The following ZC3H3 variants were observed in gnomAD, a reference collection of about 807,000 sequenced individuals.
ZC3H3 encodes zinc finger CCCH domain-containing protein 3.
In ZC3H3, 36 loss-of-function variants were observed where a neutral mutation model predicts 77.3. The observed-to-expected ratio is 0.47, with a 90% CI of 0.36 to 0.61. The LOEUF (loss-of-function observed/expected upper bound fraction) is 0.61. Ranked by LOEUF, ZC3H3 falls within the 20% of genes least tolerant of loss-of-function variation. The pLI, the probability that ZC3H3 is intolerant of heterozygous loss-of-function variation, is 0.00. For missense variants in ZC3H3, 1,331 were observed against 1,312.2 expected (o/e 1.01, Z -0.22); for synonymous variants, 626 against 555.2 (o/e 1.13, Z -1.79).
chr8:143,538,519 G>T lies in ZC3H3; in HGVS notation c.848C>A (p.Ala283Asp), dbSNP rs1319513561. 3 of 1,612,422 alleles carry T rather than the reference G, an allele frequency of 1.9e-6. No homozygotes were observed. In the South Asian group the frequency reaches 3.3e-5, roughly 18 times the overall value. The part of the protein sequence containing the change: ...PVPSGSVGGP[A>D]RPASGPRQAR... The stretch of plus-strand genomic sequence containing the variant: ...CTGCCTGGGTCCTGAGGCCGGTCTG[G>T]CGGGGCCCCCCACTGAGCCAGACGG... The change falls in exon 2 of 12, where the codon GCC becomes GAC. Residue 283 changes from alanine to aspartate, a missense_variant. By Grantham distance (126) the Ala-to-Asp change is moderately radical. This residue lies in a region of ZC3H3 where 978 missense variants were observed against 915.5 expected (regional missense o/e 1.07). Transcript: ENST00000262577.
At chr8:143,481,358 C>G (rs60625971) in intron 4 of ZC3H3, among the ~76,000 whole-genome samples, 1 of 152,122 alleles carries the variant, frequency 6.6e-6, no homozygotes, top group Non-Finnish European at 1.5e-5. Context: ...TCCCCGCCAC[C>G]GAAGTTCCCA....
rs1160987654 is a variant in ZC3H3, at chr8:143,437,865, G to GAGGA, written c.*187_*190dup. On this transcript the variant is annotated 3_prime_UTR_variant, in exon 12 of 12. Coordinates refer to ENST00000262577, the MANE Select transcript of ZC3H3 (RefSeq NM_015117.3). ...GTGGGGACAGGGGCCTGGCTTGGGGGAGGAAGACCAGGCCCTGCGCACACG... is the reference window on the plus strand; with the variant it reads ...GTGGGGACAGGGGCCTGGCTTGGGGGAGGAAGGAAGACCAGGCCCTGCGCACACG... The GAGGA allele has an allele frequency of 1.3e-6, 1 of 746,682 alleles. No homozygotes were observed. Among genetic ancestry groups the GAGGA allele is most frequent in the East Asian group, 2.8e-5 (1 of 35,300 alleles). 46.3% of individuals were successfully genotyped at this position (746,682 alleles called of 1,614,324 possible). A position where few individuals can be genotyped will look rare whatever the true frequency, so the allele number is the denominator to read the frequency against.
At chr8:143,522,583 G>C (rs1008294673) in intron 3 of ZC3H3, among the ~76,000 whole-genome samples, 9 of 150,966 alleles carry the variant, frequency 6.0e-5, no homozygotes, top group African/African-American at 2.2e-4. Flanking sequence ...CCAGCCTAGG[G>C]AAGAGAGCAA....
At chr8:143,467,642 C>G (rs1462892526) in intron 8 of ZC3H3, among the ~76,000 whole-genome samples, 1 of 152,238 alleles carries the variant, frequency 6.6e-6, no homozygotes, top group Non-Finnish European at 1.5e-5. Context: ...CATGTCCCCC[C>G]CAGCCCCAGG....
Position 143,538,490 on chromosome 8 carries a change from G to C in ZC3H3, c.877C>G (p.Arg293Gly), listed in dbSNP as rs143014673. 6 of 1,612,706 alleles carry C rather than the reference G, an allele frequency of 3.7e-6. No individual in the cohort carries two copies. The highest frequency in any genetic ancestry group is 2.2e-5 in the East Asian group (1 of 44,898). Residue 293 changes from arginine (R) to glycine (G), a missense_variant, in exon 2 of 12, where the codon CGG becomes GGG. By Grantham distance (125) the Arg-to-Gly change is moderately radical. Coordinates refer to ENST00000262577, the MANE Select transcript of ZC3H3 (RefSeq NM_015117.3). ...CAGGTCACAACCAGCGAGGCCTCCC[G>C]GGCCTGCCTGGGTCCTGAGGCCGGT... The part of the protein sequence containing the change: ...ARPASGPRQA[R>G]EASLVVTCRT...
At chr8:143,463,492 C>T (rs1009387935) in intron 9 of ZC3H3, among the ~76,000 whole-genome samples, 13 of 152,274 alleles carry the variant, frequency 8.5e-5, no homozygotes, top group African/African-American at 2.6e-4. Context: ...AACAGGCGAG[C>T]GGTGAGCACG....
At chr8:143,489,826 G>GC (rs1382791700) in intron 4 of ZC3H3, among the ~76,000 whole-genome samples, 2 of 152,214 alleles carry the variant, frequency 1.3e-5, no homozygotes, top group Non-Finnish European at 2.9e-5. Flanking sequence ...CGCAATCTTA[G>GC]CAGACGTCCA....
chr8:143,524,926 G>A (rs1822361943), intron 3 of ZC3H3, among the ~76,000 whole-genome samples: 1 of 152,262 alleles, frequency 6.6e-6, no homozygotes, highest in Non-Finnish European at 1.5e-5. Context: ...GGCACCAGAA[G>A]GGAGCTTGGG....
At chr8:143,518,685 G>A (rs1272519728) in intron 3 of ZC3H3, among the ~76,000 whole-genome samples, 7 of 152,252 alleles carry the variant, frequency 4.6e-5, no homozygotes, top group Middle Eastern at 3.2e-3. Flanking sequence ...CCACAGCACC[G>A]GGGCCAGGCC....
At chr8:143,465,656 T>A in intron 9 of ZC3H3, 61 bp downstream of exon 9, 1 of 1,596,330 alleles carries the variant, frequency 6.3e-7, no homozygotes, top group Non-Finnish European at 8.5e-7. Flanking sequence ...TACCCAGGAG[T>A]GAGCAGAGGA....
intron 9 of ZC3H3, 59 bp downstream of exon 9, chr8:143,465,658 A>G (rs567243882): frequency 6.2e-7 from 1 of 1,600,892 alleles, no homozygotes; most frequent in South Asian, 1.1e-5. Context: ...CCCAGGAGTG[A>G]GCAGAGGACC....
At position 143,539,221 on chromosome 8, in the gene ZC3H3, G is replaced by T; in HGVS notation, c.146C>A (p.Ala49Asp). Residue 49 changes from alanine (A) to aspartate (D), a missense_variant, in exon 2 of 12, where the codon GCC becomes GAC. By Grantham distance (126) the Ala-to-Asp change is moderately radical. Transcript: ENST00000262577. The part of the protein sequence containing the change: ...WQPPTYHSGR[A>D]FSARYPRPSR... ...TGGACGAGGGTAGCGGGCACTAAAGGCTCTGCCACTGTGGTAAGTGGGTGG... is the reference window on the plus strand; with the variant it reads ...TGGACGAGGGTAGCGGGCACTAAAGTCTCTGCCACTGTGGTAAGTGGGTGG... The T allele has an allele frequency of 6.2e-7, 1 of 1,612,912 alleles. No homozygotes were observed. The highest frequency in any genetic ancestry group is 8.5e-7 in the Non-Finnish European group (1 of 1,180,018).
At chr8:143,521,249 A>C (rs1408872599) in intron 3 of ZC3H3, among the ~76,000 whole-genome samples, 1 of 152,150 alleles carries the variant, frequency 6.6e-6, no homozygotes, top group Non-Finnish European at 1.5e-5. Flanking sequence ...CACTGGCCCG[A>C]GGTCACAGGG....
Position 143,440,984 on chromosome 8 carries a change from G to T in ZC3H3, c.2444C>A (p.Pro815His). ...CCTGCTCCTGGCGGTTGCGTCGCTG[G>T]GCCCTGGGGCGGGGGACGTGGCTGC... ...RRAATSPAPG[P>H]SDATARSRVS... is the part of the protein sequence containing the mutation. Residue 815 changes from proline (P) to histidine (H), a missense_variant, in exon 10 of 12, where the codon CCC (proline) becomes CAC (histidine). By Grantham distance (77) the Pro-to-His change is moderately conservative. Coordinates refer to ENST00000262577, the MANE Select transcript of ZC3H3 (RefSeq NM_015117.3). 1 of 1,458,800 alleles carries T rather than the reference G, an allele frequency of 6.9e-7. No homozygotes were observed. 90.4% of individuals were successfully genotyped at this position (1,458,800 alleles called of 1,614,324 possible).
intron 3 of ZC3H3, among the ~76,000 whole-genome samples, chr8:143,528,165 G>A (rs953262201): frequency 6.6e-6 from 1 of 152,190 alleles, no homozygotes; most frequent in African/African-American, 2.4e-5. Context: ...CAACCACCCT[G>A]CGGTGCACCT....
At chr8:143,479,888 G>C (rs1820860910) in intron 4 of ZC3H3, among the ~76,000 whole-genome samples, 1 of 152,232 alleles carries the variant, frequency 6.6e-6, no homozygotes, top group Non-Finnish European at 1.5e-5. Context: ...ACAAAAGCAG[G>C]TGTATGAAGA....
chr8:143,521,817 G>A (rs1279389590), intron 3 of ZC3H3, among the ~76,000 whole-genome samples: 1 of 152,180 alleles, frequency 6.6e-6, no homozygotes, highest in Non-Finnish European at 1.5e-5. Flanking sequence ...CAGGGGTGCT[G>A]GAACAGGAGG....
intron 4 of ZC3H3, among the ~76,000 whole-genome samples, chr8:143,483,477 C>T (rs989855435): frequency 2.0e-5 from 3 of 152,170 alleles, no homozygotes; most frequent in Non-Finnish European, 1.5e-5. Context: ...CACAGAATGT[C>T]CTGAGTTCCG....
At chr8:143,477,397 C>A (rs1021923275) in intron 4 of ZC3H3, among the ~76,000 whole-genome samples, 1 of 152,212 alleles carries the variant, frequency 6.6e-6, no homozygotes, top group African/African-American at 2.4e-5. Flanking sequence ...GCCCTGCACA[C>A]TCCAGCTGCT....
Sources: gnomAD v4.1 joint callset for allele counts (sites outside exome capture counted in the v4.1 genomes callset) on GRCh38, gnomAD v4.1.1 for gene constraint, gnomAD v4.1.1 regional missense constraint, MANE v1.5 for transcripts, NCBI Gene and HGNC (gene_info 2026-07-23, HGNC 2026-07-21) for gene names.